Variants in DGKK observed in about 807,000 individuals in gnomAD.
DGKK encodes 142 kDa diacylglycerol kinase.
In DGKK, 35 loss-of-function variants were observed where a neutral mutation model predicts 92.2. The ratio of observed to expected loss-of-function variants is 0.38; its 90% CI spans 0.29 to 0.50. DGKK has a LOEUF of 0.50. Ranked by LOEUF, DGKK falls within the 20% of genes least tolerant of loss-of-function variation. The pLI, the probability that DGKK is intolerant of heterozygous loss-of-function variation, is 0.92. For missense variants in DGKK, 910 were observed against 992.2 expected (o/e 0.92, Z 1.11); for synonymous variants, 368 against 360.6 (o/e 1.02, Z -0.23).
At chrX:50,396,463 G>T (rs782773125) in intron 8 of DGKK, among the ~76,000 whole-genome samples, 13 of 112,024 alleles carry the variant, frequency 1.2e-4, no homozygotes, top group African/African-American at 3.6e-4. Context: ...AACTAGACAA[G>T]AATTGAATTA....
intron 1 of DGKK, among the ~76,000 whole-genome samples, chrX:50,461,704 G>GT (rs1408972656): frequency 8.9e-6 from 1 of 112,083 alleles, no homozygotes; most frequent in Non-Finnish European, 1.9e-5. Context: ...CATCCATGTG[G>GT]TTTTGTTCAC....
intron 1 of DGKK, among the ~76,000 whole-genome samples, chrX:50,462,390 C>CTTTTTTTT (rs782504562): frequency 1.7e-5 from 1 of 60,493 alleles, no homozygotes; most frequent in African/African-American, 7.4e-5. Flanking sequence ...GAAGTGAGTG[C>CTTTTTTTT]TTTTTTTTTT....
intron 4 of DGKK, among the ~76,000 whole-genome samples, chrX:50,404,923 T>C (rs1055594502): frequency 7.2e-5 from 8 of 111,046 alleles, no homozygotes; most frequent in Non-Finnish European, 1.5e-4. Flanking sequence ...GAGCATTGCT[T>C]TACCTGGACG....
At chrX:50,445,674 G>A (rs1348583710) in intron 1 of DGKK, among the ~76,000 whole-genome samples, 1 of 111,277 alleles carries the variant, frequency 9.0e-6, no homozygotes, top group Non-Finnish European at 1.9e-5. Flanking sequence ...TGCTGTTTTG[G>A]TTACTGTAGC....
intron 1 of DGKK, among the ~76,000 whole-genome samples, chrX:50,465,233 G>T (rs1557233846): frequency 9.0e-6 from 1 of 110,897 alleles, no homozygotes; most frequent in Non-Finnish European, 1.9e-5. Flanking sequence ...TTTGATGAGG[G>T]TGAGGATAAC....
rs1212351696 is a variant in DGKK at position 50,368,850 on chromosome X, T to C, written c.*90A>G. 1.3e-6 allele frequency: 1 copy of C among 756,249 alleles called. No homozygotes were observed. Among genetic ancestry groups the C allele is most frequent in the Non-Finnish European group, 1.9e-6 (1 of 517,180 alleles). 62.3% of individuals were successfully genotyped at this position (756,249 alleles called of 1,213,427 possible). On this transcript the variant is annotated 3_prime_UTR_variant, in exon 28 of 28. Transcript: ENST00000611977. ...CTTTCTTGGTGGTGCTCATGTTTGT[T>C]CTGAAATGATTTAGTCTAGCCTGTA...
chrX:50,446,969 C>T (rs1299726216), intron 1 of DGKK, among the ~76,000 whole-genome samples: 1 of 109,146 alleles, frequency 9.2e-6, no homozygotes, highest in Non-Finnish European at 1.9e-5. Flanking sequence ...GCTTATTGCT[C>T]ATGCATAAAT....
chrX:50,448,144 T>G (rs1420871566), intron 1 of DGKK, among the ~76,000 whole-genome samples: 1 of 111,190 alleles, frequency 9.0e-6, no homozygotes, highest in Non-Finnish European at 1.9e-5. Flanking sequence ...TACATCCATT[T>G]TTTGGGTGGG....
rs1347745783 is a variant in DGKK, at chrX:50,418,795, A to G, written c.942+1608T>C. On this transcript the variant is annotated intron_variant, in intron 4 of 27. Coordinates refer to ENST00000611977, the MANE Select transcript of DGKK (RefSeq NM_001013742.4). ...TAATCAATACCTAGGTGTTTAATTCAATGAATTCAGGGATGGCGCACCAAT... is the reference window on the plus strand; with the variant it reads ...TAATCAATACCTAGGTGTTTAATTCGATGAATTCAGGGATGGCGCACCAAT... Among the ~76,000 whole-genome samples the G allele has an allele frequency of 2.9e-4, 32 of 111,402 alleles. No homozygotes were observed. The Admixed American group carries it at 3.0e-3, about 11-fold the overall frequency.
rs1557223777 is a variant in DGKK at position 50,376,008 on chromosome X, A to G, written c.3414+16T>C. The stretch of plus-strand genomic sequence containing the variant: ...CTGGTTTGACTCCTTTCCTTAATTC[A>G]CTCCTTTCTACTTACTTCAATGGGA... On this transcript the variant is annotated intron_variant, in intron 24 of 27. Coordinates refer to ENST00000611977, the MANE Select transcript of DGKK (RefSeq NM_001013742.4). The G allele has an allele frequency of 8.4e-7, 1 of 1,197,404 alleles. No homozygotes were observed. The highest frequency in any genetic ancestry group is 2.3e-4 in the Middle Eastern group (1 of 4,287).
intron 4 of DGKK, among the ~76,000 whole-genome samples, chrX:50,415,407 A>T (rs782530152): frequency 8.9e-6 from 1 of 112,284 alleles, no homozygotes; most frequent in East Asian, 2.8e-4. Context: ...AACACAGTGC[A>T]CTGTAGAATA....
At chrX:50,402,135 C>T (rs181376894) in intron 7 of DGKK, among the ~76,000 whole-genome samples, 13 of 111,933 alleles carry the variant, frequency 1.2e-4, no homozygotes, top group East Asian at 8.4e-4. Flanking sequence ...CGGCTGGGAA[C>T]GGTGGCTTAT....
At chrX:50,425,497 C>T (rs1402219131) in intron 1 of DGKK, among the ~76,000 whole-genome samples, 1 of 110,507 alleles carries the variant, frequency 9.0e-6, no homozygotes, top group African/African-American at 3.3e-5. Context: ...CTGATCTAAA[C>T]AGTTATTTGC....
chrX:50,431,809 G>C (rs938761725), intron 1 of DGKK, among the ~76,000 whole-genome samples: 1 of 111,934 alleles, frequency 8.9e-6, no homozygotes, highest in African/African-American at 3.2e-5. Flanking sequence ...ACATTCCCCA[G>C]GGTCCTGTTG....
intron 21 of DGKK, 27 bp downstream of exon 21, chrX:50,378,551 C>G: frequency 8.7e-7 from 1 of 1,148,588 alleles, no homozygotes; most frequent in Non-Finnish European, 1.2e-6. Context: ...TCAGCCCCTT[C>G]CCAGTGCCCA....
intron 7 of DGKK, among the ~76,000 whole-genome samples, chrX:50,401,505 T>C (rs1335467824): frequency 2.7e-5 from 3 of 111,523 alleles, no homozygotes; most frequent in African/African-American, 9.8e-5. Flanking sequence ...TCAATCCTTA[T>C]AACAACAGGT....
chrX:50,435,175 G>T (rs12012125), intron 1 of DGKK, among the ~76,000 whole-genome samples: 1,290 of 112,428 alleles, frequency 0.011, 20 homozygotes, highest in African/African-American at 0.039. Flanking sequence ...GTCCATCATC[G>T]ACTGAGACAT....
At chrX:50,395,796 G>GAAAAA (rs1924835644) in intron 8 of DGKK, among the ~76,000 whole-genome samples, 1 of 57,821 alleles carries the variant, frequency 1.7e-5, no homozygotes, top group African/African-American at 1.3e-4. Context: ...TAGAACATTG[G>GAAAAA]CAAAAAAAAA....
chrX:50,426,339 T>C (rs943799879), intron 1 of DGKK, among the ~76,000 whole-genome samples: 3 of 112,030 alleles, frequency 2.7e-5, no homozygotes, highest in Non-Finnish European at 5.6e-5. Flanking sequence ...GAACCTATTT[T>C]TCAGGCATTG....
Sources: gnomAD v4.1 joint callset for allele counts (sites outside exome capture counted in the v4.1 genomes callset) on GRCh38, gnomAD v4.1.1 for gene constraint, MANE v1.5 for transcripts, NCBI Gene and HGNC (gene_info 2026-07-23, HGNC 2026-07-21) for gene names.